ATR: variants seen among roughly 807,000 people sequenced by gnomAD.
The protein encoded by ATR is serine/threonine-protein kinase ATR.
In ATR, 142 loss-of-function variants were observed where a neutral mutation model predicts 305.3. That is an observed-to-expected ratio of 0.47 (90% CI 0.41 to 0.53). ATR has a LOEUF of 0.53. Ranked by LOEUF, ATR falls within the 20% of genes least tolerant of loss-of-function variation. The pLI is 0.00. For missense variants in ATR, 2,135 were observed against 3,133.1 expected (o/e 0.68, Z 7.60); for synonymous variants, 1,050 against 1,068.1 (o/e 0.98, Z 0.33).
At chr3:142,542,638 T>G (rs778806543) in intron 17 of ATR, 27 bp downstream of exon 17, 1 of 1,552,756 alleles carries the variant, frequency 6.4e-7, no homozygotes. Flanking sequence ...AATTCTATCT[T>G]AGCACTCTGG....
At position 142,458,988 on chromosome 3, in the gene ATR, T is replaced by A. The variant is rs1452544880; in HGVS notation, c.7473A>T (p.Val2491=). The A allele has an allele frequency of 6.2e-7, 1 of 1,613,908 alleles. No homozygotes were observed. ...TGAAAAGACAATTGAAATCTACATG[T>A]ACGCATTCACCAGTCAAAGAATCAA... The part of the protein sequence containing the change: ...ILFDSLTGEC[V]HVDFNCLFNK... The change falls in exon 44 of 47, where the codon GTA becomes GTT. Residue 2491 remains valine, a synonymous_variant. Transcript: ENST00000350721.
chr3:142,503,310 A>C, intron 30 of ATR, 52 bp downstream of exon 30: 1 of 1,305,272 alleles, frequency 7.7e-7, no homozygotes, highest in South Asian at 1.2e-5. Context: ...ACTAACTAAA[A>C]ATTCTCCATT....
rs1323309859 is a variant in ATR at position 142,461,964 on chromosome 3, G to A, written c.7168C>T (p.Leu2390=). 2 of 1,613,528 alleles carry A rather than the reference G, an allele frequency of 1.2e-6. No homozygotes were observed. ...CCCTTTTCTTTATATAGTTTGGTCA[G>A]AATAGGTCTCAAACCAGCAGTGTTG... The part of the protein sequence containing the change: ...VNNTAGLRPI[L]TKLYKEKGVY... Residue 2390 remains leucine, a synonymous_variant, in exon 42 of 47, where the codon CTG becomes TTG. Coordinates refer to ENST00000350721, the MANE Select transcript of ATR (RefSeq NM_001184.4).
chr3:142,503,743 T>A (rs2032096537), intron 29 of ATR, among the ~76,000 whole-genome samples: 1 of 152,156 alleles, frequency 6.6e-6, no homozygotes, highest in South Asian at 2.1e-4. Flanking sequence ...AACAATTGAT[T>A]TGCTTACTTA....
At chr3:142,505,783 C>T (rs2032204532) in intron 28 of ATR, among the ~76,000 whole-genome samples, 1 of 152,132 alleles carries the variant, frequency 6.6e-6, no homozygotes, top group South Asian at 2.1e-4. Context: ...CAAAGACAGT[C>T]TCTCACAACA....
intron 16 of ATR, among the ~76,000 whole-genome samples, chr3:142,544,620 G>GAAA (rs1267858168): frequency 1.4e-5 from 1 of 72,012 alleles, no homozygotes; most frequent in African/African-American, 7.0e-5. Context: ...GAAGAAAGGA[G>GAAA]CAAAAAAAAA....
At chr3:142,552,420 A>G (rs1356870976) in intron 13 of ATR, among the ~76,000 whole-genome samples, 1 of 152,226 alleles carries the variant, frequency 6.6e-6, no homozygotes, top group Non-Finnish European at 1.5e-5. Context: ...CTGTAATCCT[A>G]GCACTTTGGG....
intron 3 of ATR, among the ~76,000 whole-genome samples, chr3:142,565,668 G>A (rs907659867): frequency 4.1e-5 from 6 of 147,888 alleles, no homozygotes; most frequent in African/African-American, 1.5e-4. Flanking sequence ...GGCTGAGGCA[G>A]GAGGATCCCT....
At chr3:142,471,411 C>T (rs1008528894) in intron 36 of ATR, among the ~76,000 whole-genome samples, 3 of 152,106 alleles carry the variant, frequency 2.0e-5, no homozygotes, top group Non-Finnish European at 2.9e-5. Context: ...GCTATGAACA[C>T]GAATGTACAG....
chr3:142,454,437 CTTTTTTTTT>C (rs760823609), intron 45 of ATR, among the ~76,000 whole-genome samples: 2 of 101,470 alleles, frequency 2.0e-5, no homozygotes, highest in Non-Finnish European at 3.6e-5. Context: ...TGATAGACAG[CTTTTTTTTT>C]TTTTTTTTTT....
intron 36 of ATR, among the ~76,000 whole-genome samples, chr3:142,474,642 T>C (rs141397565): frequency 6.6e-6 from 1 of 152,300 alleles, no homozygotes; most frequent in East Asian, 1.9e-4. Context: ...AGTCTTAGGG[T>C]TTCAGTATAT....
At chr3:142,469,212 A>T in intron 38 of ATR, 125 bp downstream of exon 38, 1 of 674,858 alleles carries the variant, frequency 1.5e-6, no homozygotes. Context: ...AAAAATATTT[A>T]AAATTACTAA....
At chr3:142,464,287 G>A (rs2071081799) in intron 41 of ATR, among the ~76,000 whole-genome samples, 1 of 151,970 alleles carries the variant, frequency 6.6e-6, no homozygotes, top group Non-Finnish European at 1.5e-5. Flanking sequence ...CACCATGCCT[G>A]GCTAATTTTT....
At chr3:142,508,166 T>C (rs2032355434) in intron 27 of ATR, 57 bp from the exon 28 acceptor site, 7 of 1,423,318 alleles carry the variant, frequency 4.9e-6, no homozygotes, top group Non-Finnish European at 6.8e-6. Flanking sequence ...TTTAAAAGTG[T>C]CAATTTAAGT....
chr3:142,500,330 C>T, intron 30 of ATR, among the ~76,000 whole-genome samples: 1 of 152,036 alleles, frequency 6.6e-6, no homozygotes, highest in East Asian at 1.9e-4. Context: ...TTTGCAAAAC[C>T]AGTATGATAT....
At position 142,542,756 on chromosome 3, in the gene ATR, G is replaced by C. The variant is rs1487190338; in HGVS notation, c.3359C>G (p.Ala1120Gly). The change falls in exon 17 of 47, where the codon GCT becomes GGT. Residue 1120 changes from alanine to glycine, a missense_variant and splice_region_variant. By Grantham distance (60) the Ala-to-Gly change is moderately conservative. Around this residue, in one of 9 missense-constraint regions of ATR, gnomAD observed 530 missense variants for 766.8 expected, o/e 0.69. Transcript: ENST00000350721. ...PRDIISPELM[A>G]DYLQPKLLGI... ...CAACAATTTGGGTTGTAAATAATCA[G>C]CCTAAGAAATAAAAACAGATAATAT... is the stretch of plus-strand genomic sequence containing the variant. 1.9e-6 allele frequency: 3 copies of C among 1,607,052 alleles called. No homozygotes were observed. The highest frequency in any genetic ancestry group is 1.1e-5 in the South Asian group (1 of 90,708).
At chr3:142,473,066 A>T (rs569705287) in intron 36 of ATR, among the ~76,000 whole-genome samples, 2 of 152,166 alleles carry the variant, frequency 1.3e-5, no homozygotes, top group African/African-American at 4.8e-5. Context: ...CACTCTGTTG[A>T]TTGTTTCCTT....
In ATR at chr3:142,499,635, A is replaced by T; in HGVS notation, c.5372T>A (p.Leu1791Ter). ...TTAAGAAGTAATTTTACCTGCTGCC[A>T]AATAGTTTTCCACCAAATCCCACTG... ...LSQWDLVENY[L>*]AADGKSTTWS... The change falls in exon 31 of 47, where the codon TTG becomes TAG. Residue 1791 changes from leucine (L) to a stop codon, truncating the protein, a stop_gained. Coordinates refer to ENST00000350721, the MANE Select transcript of ATR (RefSeq NM_001184.4). LOFTEE classifies it high-confidence loss of function. 6.2e-7 allele frequency: 1 copy of T among 1,613,964 alleles called. No individual in the cohort carries two copies. Among genetic ancestry groups the T allele is most frequent in the Non-Finnish European group, 8.5e-7 (1 of 1,179,884 alleles).
chr3:142,470,272 A>G (rs527267146), intron 36 of ATR, 89 bp from the exon 37 acceptor site: 4 of 1,090,540 alleles, frequency 3.7e-6, no homozygotes, highest in Non-Finnish European at 5.3e-6. Flanking sequence ...ACTACCACAT[A>G]CCGTTTTCAC....
Sources: allele counts gnomAD v4.1 joint callset (sites outside exome capture counted in the v4.1 genomes callset), GRCh38; gene constraint gnomAD v4.1.1; regional missense constraint gnomAD v4.1.1; transcripts MANE v1.5; gene names NCBI Gene and HGNC (gene_info 2026-07-23, HGNC 2026-07-21).